Variants in NSG2 observed in about 807,000 individuals in gnomAD.
The protein encoded by NSG2 is neuronal vesicle trafficking-associated protein 2.
A neutral mutation model predicts 16.9 loss-of-function variants in NSG2; 4 were observed. That is an observed-to-expected ratio of 0.24 (90% CI 0.12 to 0.54). The LOEUF (loss-of-function observed/expected upper bound fraction) is 0.54, where lower values mean the gene tolerates loss of function less well. NSG2 is among the 20% of genes least tolerant of loss of function. The pLI is 0.95. For synonymous variants in NSG2, 98 were observed against 88.7 expected (o/e 1.11, Z -0.59); for missense variants, 179 against 221.1 (o/e 0.81, Z 1.21).
intron 3 of NSG2, among the ~76,000 whole-genome samples, chr5:174,085,189 C>A (rs1034195805): frequency 1.3e-5 from 2 of 152,106 alleles, no homozygotes; most frequent in Non-Finnish European, 2.9e-5. Context: ...TAATAATATC[C>A]AACATTTATG....
chr5:174,066,045 A>G (rs1376158985), intron 3 of NSG2, among the ~76,000 whole-genome samples: 1 of 152,038 alleles, frequency 6.6e-6, no homozygotes, highest in Non-Finnish European at 1.5e-5. Context: ...GTCTTTGACT[A>G]TTTTTCTCCC....
chr5:174,046,801 C>T lies in NSG2; in HGVS notation c.46C>T (p.Pro16Ser), dbSNP rs761200531. The T allele has an allele frequency of 6.2e-7, 1 of 1,614,018 alleles. No homozygotes were observed. Among genetic ancestry groups the T allele is most frequent in the African/African-American group, 1.3e-5 (1 of 74,916 alleles). ...CCCCAGCGAGAAGGGAACCAAGCCG[C>T]CTTCAGTTGAGGATGGCTTCCAGAC... is the stretch of plus-strand genomic sequence containing the variant. ...SNPSEKGTKP[P>S]SVEDGFQTVP... is the part of the protein sequence containing the mutation. The change falls in exon 2 of 5, where the codon CCT becomes TCT. Residue 16 changes from proline to serine, a missense_variant. Coordinates refer to ENST00000303177, the MANE Select transcript of NSG2 (RefSeq NM_015980.5).
intron 3 of NSG2, among the ~76,000 whole-genome samples, chr5:174,069,940 T>C (rs1760206874): frequency 6.7e-6 from 1 of 149,816 alleles, no homozygotes; most frequent in Non-Finnish European, 1.5e-5. Flanking sequence ...TGCACTAGCA[T>C]GATCATGGCT....
intron 2 of NSG2, among the ~76,000 whole-genome samples, chr5:174,059,697 G>C (rs75434733): frequency 0.017 from 2,593 of 152,230 alleles, 29 homozygotes; most frequent in South Asian, 0.025. Context: ...CCCGGGGTAG[G>C]ATGTCATCTG....
At position 174,046,988 on chromosome 5, in the gene NSG2, G is replaced by A. The variant is rs878957562; in HGVS notation, c.129+104G>A. The A allele has an allele frequency of 3.4e-5, 38 of 1,112,408 alleles. No homozygotes were observed. The South Asian group carries it at 5.1e-4, about 15-fold the overall frequency. 68.9% of individuals were successfully genotyped at this position (1,112,408 alleles called of 1,614,324 possible). A position where few individuals can be genotyped will look rare whatever the true frequency, so the allele number is the denominator to read the frequency against. ...CCCAAATCCTTTCATTCTCTTATCT[G>A]CCAAATGTGCTCCCTTTCTTGTAAA... On this transcript the variant is annotated intron_variant, in intron 2 of 4. Transcript: ENST00000303177.
intron 2 of NSG2, among the ~76,000 whole-genome samples, chr5:174,055,623 A>G (rs1466028549): frequency 6.6e-6 from 1 of 151,982 alleles, no homozygotes; most frequent in Non-Finnish European, 1.5e-5. Flanking sequence ...TAAAAATAAA[A>G]AAGTAAGTGG....
Position 174,107,572 on chromosome 5 carries a change from C to A in NSG2, c.*67C>A. 7.2e-7 allele frequency: 1 copy of A among 1,386,974 alleles called. No individual in the cohort carries two copies. Among genetic ancestry groups the A allele is most frequent in the Middle Eastern group, 1.8e-4 (1 of 5,482 alleles). The allele number at this position is 1,386,974 out of a possible 1,614,324, so 85.9% of individuals were successfully genotyped here. Reference sequence around the variant, plus strand: ...GACCCCCATTGGCTAAGCCAAGCTCCAGTTACAAGACAACACTGTACTCCT... The same window carrying A: ...GACCCCCATTGGCTAAGCCAAGCTCAAGTTACAAGACAACACTGTACTCCT... On this transcript the variant is annotated 3_prime_UTR_variant, in exon 5 of 5. Coordinates refer to ENST00000303177, the MANE Select transcript of NSG2 (RefSeq NM_015980.5). This position sits in a 1 kb window ranked among gnomAD's most constrained non-coding sequence, Gnocchi z 4.5.
rs770039038 is a variant in NSG2, at chr5:174,107,549, C to T, written c.*44C>T. 44 of 1,557,516 alleles carry T rather than the reference C, an allele frequency of 2.8e-5. No individual in the cohort carries two copies. The highest frequency in any genetic ancestry group is 8.1e-5 in the South Asian group (7 of 86,634). On this transcript the variant is annotated 3_prime_UTR_variant, in exon 5 of 5. Coordinates refer to ENST00000303177, the MANE Select transcript of NSG2 (RefSeq NM_015980.5). The surrounding 1 kb of genome is among the most constrained non-coding windows in gnomAD (Gnocchi z 4.5). Reference sequence around the variant, plus strand: ...ATGGGGGGCGGGGTGGAGAGGAGGACCCCCATTGGCTAAGCCAAGCTCCAG... The same window carrying T: ...ATGGGGGGCGGGGTGGAGAGGAGGATCCCCATTGGCTAAGCCAAGCTCCAG...
At position 174,104,232 on chromosome 5, in the gene NSG2, C is replaced by T. The variant is rs1278980587; in HGVS notation, c.218C>T (p.Thr73Ile). The T allele has an allele frequency of 1.2e-6, 2 of 1,613,610 alleles. No homozygotes were observed. Among genetic ancestry groups the T allele is most frequent in the Non-Finnish European group, 1.7e-6 (2 of 1,179,580 alleles). ...CTTAATTTTGTATTCCTCCAGGTCA[C>T]CATCCTTGTCAGCCTGGCCCTAGCT... Reference protein sequence around the residue: ...RVPKIAEFTVTILVSLALAFL... With the variant: ...RVPKIAEFTVIILVSLALAFL... Residue 73 changes from threonine (T) to isoleucine (I), a missense_variant, in exon 4 of 5, where the codon ACC (threonine) becomes ATC (isoleucine). By Grantham distance (89) the Thr-to-Ile change is moderately conservative. Coordinates refer to ENST00000303177, the MANE Select transcript of NSG2 (RefSeq NM_015980.5).
rs149259667 is a variant in NSG2, at chr5:174,058,308, G to A, written c.130-5924G>A. Among the ~76,000 whole-genome samples, 23 of 152,290 alleles carry A rather than the reference G, an allele frequency of 1.5e-4. No homozygotes were observed. The Middle Eastern group carries it at 0.01, about 68-fold the overall frequency. On this transcript the variant is annotated intron_variant, in intron 2 of 4. Coordinates refer to ENST00000303177, the MANE Select transcript of NSG2 (RefSeq NM_015980.5). ...TAGCCAGGTGTGGTGGCACATGCCT[G>A]TAGTCCAAACTACTCAGGAGGCTGA...
At chr5:174,106,664 G>A (rs1462210741) in intron 4 of NSG2, among the ~76,000 whole-genome samples, 3 of 136,368 alleles carry the variant, frequency 2.2e-5, no homozygotes, top group Non-Finnish European at 4.5e-5. Context: ...GTGCCATCTC[G>A]GCTCACTGCA....
At chr5:174,092,921 G>C (rs77827669) in intron 3 of NSG2, among the ~76,000 whole-genome samples, 8,075 of 152,256 alleles carry the variant, frequency 0.053, 312 homozygotes, top group Middle Eastern at 0.078. Context: ...CAAGAAGCAA[G>C]CCTGTAAAAA....
At chr5:174,084,292 T>C (rs1436007960) in intron 3 of NSG2, 1 of 152,216 alleles carries the variant, frequency 6.6e-6, no homozygotes, top group Non-Finnish European at 1.5e-5. Flanking sequence ...AAGTCATTTC[T>C]GGAAAAAGAG....
At chr5:174,068,360 G>T (rs1003239084) in intron 3 of NSG2, among the ~76,000 whole-genome samples, 8 of 152,208 alleles carry the variant, frequency 5.3e-5, no homozygotes, top group Non-Finnish European at 1.2e-4. Context: ...ATTGTAAAGG[G>T]CCACAGACTT....
rs138325844 is a variant in NSG2, at chr5:174,052,123, C to T, written c.129+5239C>T. ...ATGCTTGGTCTTCTGATCTCCTCTA[C>T]TTCTTTCTGTCCAATCAGTCCTCCA... is the stretch of plus-strand genomic sequence containing the variant. On this transcript the variant is annotated intron_variant, in intron 2 of 4. Transcript: ENST00000303177. 4.2e-3 allele frequency among the ~76,000 whole-genome samples: 644 copies of T among 152,320 alleles called. 3 individuals are homozygous for T. Among genetic ancestry groups the T allele is most frequent in the African/African-American group, 0.014 (584 of 41,556 alleles).
chr5:174,073,653 T>C lies in NSG2; in HGVS notation c.213+9338T>C, dbSNP rs1760282576. Among the ~76,000 whole-genome samples the C allele has an allele frequency of 5.9e-5, 9 of 152,292 alleles. 2 individuals are homozygous for C. The South Asian group carries it at 1.7e-3, about 28-fold the overall frequency. On this transcript the variant is annotated intron_variant, in intron 3 of 4. Transcript: ENST00000303177. ...TTATTAATTGATAGTTGCAAAGCAATCGTGGCTTAATTTTTTAACGAAACA... is the reference window on the plus strand; with the variant it reads ...TTATTAATTGATAGTTGCAAAGCAACCGTGGCTTAATTTTTTAACGAAACA...
chr5:174,080,459 T>C (rs937534227), intron 3 of NSG2, among the ~76,000 whole-genome samples: 22 of 139,722 alleles, frequency 1.6e-4, no homozygotes, highest in Admixed American at 1.1e-3. Flanking sequence ...GTCTTTAAAA[T>C]ATTGAGATTT....
intron 3 of NSG2, among the ~76,000 whole-genome samples, chr5:174,089,966 A>G (rs1760696425): frequency 6.6e-6 from 1 of 152,116 alleles, no homozygotes; most frequent in African/African-American, 2.4e-5. Flanking sequence ...GCAGGAAGAG[A>G]AAGGCAAAGG....
At position 174,056,767 on chromosome 5, in the gene NSG2, A is replaced by G. The variant is rs571484430; in HGVS notation, c.130-7465A>G. Among the ~76,000 whole-genome samples the G allele has an allele frequency of 3.0e-3, 456 of 152,312 alleles. 1 individual carries two copies. The highest frequency in any genetic ancestry group is 3.1e-3 in the Non-Finnish European group (208 of 68,030). ...AAATACAATCTTGCTCCTTGTCAGC[A>G]CTTCTGCACTTGTATTTATTGTTCC... On this transcript the variant is annotated intron_variant, in intron 2 of 4. Transcript: ENST00000303177.
Sources: gnomAD v4.1 joint callset for allele counts (sites outside exome capture counted in the v4.1 genomes callset) on GRCh38, gnomAD v4.1.1 for gene constraint, Gnocchi (gnomAD v3.1) non-coding constraint, MANE v1.5 for transcripts, NCBI Gene and HGNC (gene_info 2026-07-23, HGNC 2026-07-21) for gene names.